Variants in GRM8 observed in about 807,000 individuals in gnomAD.
GRM8 encodes the protein metabotropic glutamate receptor 8.
In GRM8, 47 loss-of-function variants were observed where a neutral mutation model predicts 87.2. The ratio of observed to expected loss-of-function variants is 0.54; its 90% confidence interval spans 0.43 to 0.69. The LOEUF is 0.69. GRM8 is among the 30% of genes least tolerant of loss of function. The pLI is 0.00. For missense variants in GRM8, 1,019 were observed against 1,139.2 expected (o/e 0.89, Z 1.52); for synonymous variants, 396 against 404.5 (o/e 0.98, Z 0.25).
intron 3 of GRM8, among the ~76,000 whole-genome samples, chr7:127,092,709 G>T (rs1237072351): frequency 4.6e-5 from 7 of 152,040 alleles, no homozygotes; most frequent in African/African-American, 7.2e-5. Context: ...TCTGTCTCAG[G>T]GGGAAAAGAA....
At chr7:126,512,133 C>G in intron 9 of GRM8, 1 of 152,192 alleles carries the variant, frequency 6.6e-6, no homozygotes, top group Non-Finnish European at 1.5e-5. Flanking sequence ...TCTCCCCCAG[C>G]AGAGAGGATG....
At chr7:126,709,296 G>T (rs1810861225) in intron 7 of GRM8, among the ~76,000 whole-genome samples, 1 of 152,152 alleles carries the variant, frequency 6.6e-6, no homozygotes, top group African/African-American at 2.4e-5. Flanking sequence ...AGTAGCTCAT[G>T]CCTGTAATCC....
intron 8 of GRM8, among the ~76,000 whole-genome samples, chr7:126,549,659 T>C (rs1475077939): frequency 6.6e-6 from 1 of 152,210 alleles, no homozygotes. Flanking sequence ...ACATAATTAA[T>C]AATATGACAA....
At chr7:126,763,901 C>A (rs1585837010) in intron 7 of GRM8, among the ~76,000 whole-genome samples, 2 of 151,554 alleles carry the variant, frequency 1.3e-5, no homozygotes, top group East Asian at 3.9e-4. Context: ...AATGTCTCTC[C>A]GTTTTTTCAA....
At chr7:126,938,885 T>C (rs1436810527) in intron 3 of GRM8, among the ~76,000 whole-genome samples, 1 of 152,134 alleles carries the variant, frequency 6.6e-6, no homozygotes, top group Non-Finnish European at 1.5e-5. Context: ...ATGGATCGTT[T>C]ATACATCCTA....
intron 3 of GRM8, among the ~76,000 whole-genome samples, chr7:127,041,059 T>C (rs1055783980): frequency 2.0e-5 from 3 of 152,234 alleles, no homozygotes; most frequent in African/African-American, 7.2e-5. Flanking sequence ...TTTATAGTGA[T>C]TAATAATAAA....
chr7:126,567,764 C>A (rs1006052260), intron 8 of GRM8, among the ~76,000 whole-genome samples: 2 of 152,088 alleles, frequency 1.3e-5, no homozygotes, highest in African/African-American at 4.8e-5. Context: ...TCCCACCCAG[C>A]TATAAAGAGA....
At chr7:126,540,757 A>G (rs1195889183) in intron 8 of GRM8, among the ~76,000 whole-genome samples, 2 of 152,184 alleles carry the variant, frequency 1.3e-5, no homozygotes, top group African/African-American at 4.8e-5. Context: ...TCCAGGAGCT[A>G]GGGGGAAGGA....
intron 3 of GRM8, among the ~76,000 whole-genome samples, chr7:126,975,342 T>C (rs1174492795): frequency 6.6e-6 from 1 of 152,122 alleles, no homozygotes; most frequent in African/African-American, 2.4e-5. Flanking sequence ...AATCTTGAGA[T>C]TTGAGGATTA....
intron 3 of GRM8, among the ~76,000 whole-genome samples, chr7:127,104,196 C>G (rs1470850203): frequency 6.6e-6 from 1 of 152,002 alleles, no homozygotes; most frequent in African/African-American, 2.4e-5. Flanking sequence ...GGGAAATATA[C>G]AATTTTATTA....
At chr7:127,199,630 G>T (rs1795483195) in intron 2 of GRM8, among the ~76,000 whole-genome samples, 1 of 152,192 alleles carries the variant, frequency 6.6e-6, no homozygotes, top group African/African-American at 2.4e-5. Context: ...GGGCACATGA[G>T]GACAAGATTT....
chr7:126,937,872 T>G (rs554764586), intron 3 of GRM8, among the ~76,000 whole-genome samples: 1 of 152,250 alleles, frequency 6.6e-6, no homozygotes, highest in African/African-American at 2.4e-5. Context: ...TAAATGGGCT[T>G]TGGTTTGCCT....
Position 127,179,668 on chromosome 7 carries a change from A to G in GRM8, c.510+63027T>C, listed in dbSNP as rs185096735. 2.0e-3 allele frequency among the ~76,000 whole-genome samples: 305 copies of G among 152,278 alleles called. 1 individual carries two copies. Among genetic ancestry groups the G allele is most frequent in the Middle Eastern group, 0.017 (5 of 294 alleles). ...AAGCACTCTCTCAGAACACAGTGGA[A>G]TAAAACTGGAAATCAACTCCAAAAG... On this transcript the variant is annotated intron_variant, in intron 2 of 10. Transcript: ENST00000339582.
chr7:127,176,448 TA>T (rs993446623), intron 2 of GRM8, among the ~76,000 whole-genome samples: 2 of 152,142 alleles, frequency 1.3e-5, no homozygotes, highest in Non-Finnish European at 2.9e-5. Flanking sequence ...AACTAAATAT[TA>T]AAAACTCAAG....
In GRM8 at chr7:127,106,497, A is replaced by G. The variant is rs1356363626; in HGVS notation, c.726T>C (p.Ile242=). The G allele has an allele frequency of 6.2e-7, 1 of 1,610,050 alleles. No individual in the cohort carries two copies. Among genetic ancestry groups the G allele is most frequent in the Non-Finnish European group, 8.5e-7 (1 of 1,176,508 alleles). ...VEAFTQISRE[I]GGVCIAQSQK... is the part of the protein sequence containing the mutation. ...ATCATCTGATAAATATATGCTTACCAATCTCCCTCGAGATCTGGGTGAAGG... is the reference window on the plus strand; with the variant it reads ...ATCATCTGATAAATATATGCTTACCGATCTCCCTCGAGATCTGGGTGAAGG... Residue 242 remains isoleucine, a splice_region_variant and synonymous_variant, in exon 3 of 11, where the codon ATT becomes ATC. Transcript: ENST00000339582.
chr7:126,610,519 A>T (rs1369513043), intron 7 of GRM8, among the ~76,000 whole-genome samples: 1 of 152,090 alleles, frequency 6.6e-6, no homozygotes, highest in Admixed American at 6.5e-5. Flanking sequence ...CCTTCTTGTT[A>T]TCTCTGTCTC....
intron 2 of GRM8, among the ~76,000 whole-genome samples, chr7:127,166,828 T>C (rs17865987): frequency 0.021 from 3,157 of 152,200 alleles, 108 homozygotes; most frequent in African/African-American, 0.073. Context: ...TTTTAAAGGA[T>C]CTGAATATTT....
intron 3 of GRM8, chr7:127,095,922 C>T (rs929866597): frequency 2.6e-5 from 4 of 152,196 alleles, no homozygotes; most frequent in African/African-American, 9.7e-5. Flanking sequence ...TATCACCTGA[C>T]ACATGCACTA....
At position 126,720,314 on chromosome 7, in the gene GRM8, T is replaced by A. The variant is rs113764382; in HGVS notation, c.1357+49551A>T. 5.7e-3 allele frequency among the ~76,000 whole-genome samples: 869 copies of A among 152,104 alleles called. 12 individuals are homozygous for A. Among genetic ancestry groups the A allele is most frequent in the African/African-American group, 0.019 (795 of 41,508 alleles). On this transcript the variant is annotated intron_variant, in intron 7 of 10. Coordinates refer to ENST00000339582, the MANE Select transcript of GRM8 (RefSeq NM_000845.3). Reference sequence around the variant, plus strand: ...GTGCCACCAAACCTGGATAATTTTTTAAATTTTTTTTTGTAGAGACAGGGT... The same window carrying A: ...GTGCCACCAAACCTGGATAATTTTTAAAATTTTTTTTTGTAGAGACAGGGT...
Sources: gnomAD v4.1 joint callset for allele counts (sites outside exome capture counted in the v4.1 genomes callset) on GRCh38, gnomAD v4.1.1 for gene constraint, MANE v1.5 for transcripts, NCBI Gene and HGNC (gene_info 2026-07-23, HGNC 2026-07-21) for gene names.